The following MGAT5 variants were observed in gnomAD, a reference collection of about 807,000 sequenced individuals.
MGAT5 encodes alpha-1,6-mannosylglycoprotein 6-beta-N-acetylglucosaminyltransferase.
In MGAT5, 30 loss-of-function variants were observed where a neutral mutation model predicts 94.3. That is an observed-to-expected ratio of 0.32 (90% CI 0.24 to 0.43). The LOEUF is 0.43. MGAT5 is among the 20% of genes least tolerant of loss of function. The pLI, the probability that MGAT5 is intolerant of heterozygous loss-of-function variation, is 1.00. For synonymous variants in MGAT5, 310 were observed against 322.9 expected, an observed-to-expected ratio of 0.96 and a Z score of 0.43; for missense variants, 691 against 905.5, an observed-to-expected ratio of 0.76 and a Z score of 3.04.
chr2:134,270,558 T>C lies in MGAT5; in HGVS notation c.406+8T>C, dbSNP rs1354993002. ...AGAAAATTAATGTGGCAGGTAAAAA[T>C]AGCAATTCTCTGCCCTGATATGGAG... On this transcript the variant is annotated splice_region_variant and intron_variant, in intron 2 of 15. Transcript: ENST00000281923. 4 of 1,613,932 alleles carry C rather than the reference T, an allele frequency of 2.5e-6. No homozygotes were observed. Among genetic ancestry groups the C allele is most frequent in the Admixed American group, 1.7e-5 (1 of 60,002 alleles).
rs911131974 is a variant in MGAT5 at position 134,451,182 on chromosome 2, T to C, written c.*2335T>C. 6 of 152,242 alleles carry C rather than the reference T, an allele frequency of 3.9e-5. No homozygotes were observed. The highest frequency in any genetic ancestry group is 2.0e-4 in the Admixed American group (3 of 15,282). The allele number at this position is 152,242 out of a possible 1,614,324, so 9.4% of individuals were successfully genotyped here. ...TGTGTTCCAAAAGCTGCAAGGATCA[T>C]TTGCTGGCTGTCCCTAAGTTCAAGG... On this transcript the variant is annotated 3_prime_UTR_variant, in exon 16 of 16. Coordinates refer to ENST00000281923, the MANE Select transcript of MGAT5 (RefSeq NM_002410.5).
At chr2:134,310,046 A>G (rs899967844) in intron 2 of MGAT5, among the ~76,000 whole-genome samples, 1 of 152,160 alleles carries the variant, frequency 6.6e-6, no homozygotes, top group Non-Finnish European at 1.5e-5. Context: ...TTGAAAAGCT[A>G]TACATAGAGA....
At chr2:134,443,272 C>T (rs1440932866) in intron 15 of MGAT5, among the ~76,000 whole-genome samples, 1 of 152,140 alleles carries the variant, frequency 6.6e-6, no homozygotes, top group African/African-American at 2.4e-5. Context: ...TTACTGTAAC[C>T]TCCACCTCCT....
At chr2:134,340,571 A>G (rs1277470951) in intron 6 of MGAT5, among the ~76,000 whole-genome samples, 3 of 152,206 alleles carry the variant, frequency 2.0e-5, no homozygotes, top group African/African-American at 7.2e-5. Flanking sequence ...GAACAAGTTT[A>G]TTATTCTGAA....
intron 2 of MGAT5, among the ~76,000 whole-genome samples, chr2:134,298,610 A>G (rs143331187): frequency 8.5e-5 from 13 of 152,310 alleles, no homozygotes; most frequent in Admixed American, 2.0e-4. Flanking sequence ...TTCAACATCA[A>G]CTAAATATAG....
At chr2:134,193,453 A>G (rs754516686) in intron 1 of MGAT5, among the ~76,000 whole-genome samples, 1 of 152,160 alleles carries the variant, frequency 6.6e-6, no homozygotes, top group East Asian at 1.9e-4. Context: ...CAGGGGGAGA[A>G]CCTGGCAAAA....
intron 2 of MGAT5, among the ~76,000 whole-genome samples, chr2:134,287,307 G>C (rs2105754215): frequency 6.6e-6 from 1 of 152,140 alleles, no homozygotes; most frequent in African/African-American, 2.4e-5. Flanking sequence ...TCCTATTCTT[G>C]CTCTGATTTC....
At chr2:134,274,121 A>G (rs1684197967) in intron 2 of MGAT5, among the ~76,000 whole-genome samples, 1 of 152,236 alleles carries the variant, frequency 6.6e-6, no homozygotes, top group Admixed American at 6.5e-5. Context: ...TAAAAAGTAT[A>G]CATATCTGAT....
rs113582076 is a variant in MGAT5 at position 134,189,592 on chromosome 2, G to GTTTT, written c.-142-64664_-142-64661dup. On this transcript the variant is annotated intron_variant, in intron 1 of 16. Coordinates refer to the MGAT5 transcript ENST00000409645. The stretch of plus-strand genomic sequence containing the variant: ...ACATATGACTAACCTCATGGCTCTA[G>GTTTT]TTTTTTTTTGTTTTTTTTTTTTTTT... Among the ~76,000 whole-genome samples, 87 of 56,274 alleles carry GTTTT rather than the reference G, an allele frequency of 1.5e-3. 4 individuals are homozygous for GTTTT. Among genetic ancestry groups the GTTTT allele is most frequent in the African/African-American group, 5.0e-3 (80 of 16,096 alleles). 36.9% of individuals were successfully genotyped at this position (56,274 alleles called of 152,430 possible).
intron 14 of MGAT5, among the ~76,000 whole-genome samples, chr2:134,440,606 G>C (rs990450590): frequency 6.6e-6 from 1 of 152,262 alleles, no homozygotes; most frequent in African/African-American, 2.4e-5. Flanking sequence ...GCTGGAATAA[G>C]AGCGTTCGAA....
At chr2:134,324,452 C>CTA (rs1687525840) in intron 4 of MGAT5, among the ~76,000 whole-genome samples, 1 of 152,090 alleles carries the variant, frequency 6.6e-6, no homozygotes, top group African/African-American at 2.4e-5. Context: ...GTATGTAAAA[C>CTA]TAATATTGGC....
intron 1 of MGAT5, among the ~76,000 whole-genome samples, chr2:134,154,854 CT>C (rs1326673929): frequency 6.6e-6 from 1 of 152,186 alleles, no homozygotes; most frequent in Non-Finnish European, 1.5e-5. Flanking sequence ...CTTTTTGTAT[CT>C]GAGTTTGAAT....
At position 134,142,998 on chromosome 2, in the gene MGAT5, C is replaced by T. The variant is rs113686328; in HGVS notation, c.-143+22707C>T. On this transcript the variant is annotated intron_variant, in intron 1 of 16. Coordinates refer to the MGAT5 transcript ENST00000409645. The stretch of plus-strand genomic sequence containing the variant: ...GTTCCGAGATTTTAGAGATACAGGC[C>T]GGAGGGGGCATGGGGGTGGGAGGAC... 8.0e-3 allele frequency among the ~76,000 whole-genome samples: 1,196 copies of T among 150,340 alleles called. 9 individuals are homozygous for T. Among genetic ancestry groups the T allele is most frequent in the African/African-American group, 0.027 (1,100 of 40,822 alleles).
At chr2:134,402,880 A>G (rs1683132687) in intron 10 of MGAT5, 108 bp from the exon 11 acceptor site, 2 of 1,118,636 alleles carry the variant, frequency 1.8e-6, no homozygotes, top group Non-Finnish European at 2.5e-6. Flanking sequence ...CTCCATATTA[A>G]GAACTCTCTG....
chr2:134,341,569 A>T (rs372972207), intron 6 of MGAT5, 21 bp from the exon 7 acceptor site: 1 of 1,607,718 alleles, frequency 6.2e-7, no homozygotes, highest in Non-Finnish European at 8.5e-7. Context: ...GTGAATCAGT[A>T]TATGCCTCTT....
chr2:134,355,084 C>T (rs1470596122), intron 9 of MGAT5, among the ~76,000 whole-genome samples: 1 of 152,222 alleles, frequency 6.6e-6, no homozygotes, highest in African/African-American at 2.4e-5. Flanking sequence ...CCCGGTCTCA[C>T]CAAACAGCCT....
At chr2:134,236,727 T>C (rs1449768390) in intron 1 of MGAT5, among the ~76,000 whole-genome samples, 1 of 152,202 alleles carries the variant, frequency 6.6e-6, no homozygotes, top group African/African-American at 2.4e-5. Context: ...GACACGCCAA[T>C]AGGGCCCCTG....
At chr2:134,386,061 A>G (rs1681951914) in intron 10 of MGAT5, among the ~76,000 whole-genome samples, 2 of 152,182 alleles carry the variant, frequency 1.3e-5, no homozygotes, top group African/African-American at 4.8e-5. Flanking sequence ...GGACATTTTG[A>G]TCCGGTGACA....
At chr2:134,295,836 A>G (rs1172339073) in intron 2 of MGAT5, among the ~76,000 whole-genome samples, 1 of 152,130 alleles carries the variant, frequency 6.6e-6, no homozygotes, top group East Asian at 1.9e-4. Flanking sequence ...TCTTAATCTA[A>G]ACAGTGCTTA....
Sources: allele counts gnomAD v4.1 joint callset (sites outside exome capture counted in the v4.1 genomes callset), GRCh38; gene constraint gnomAD v4.1.1; transcripts MANE v1.5; gene names NCBI Gene and HGNC (gene_info 2026-07-23, HGNC 2026-07-21).